Variants in LRP2 observed in about 807,000 individuals in gnomAD.
The protein encoded by LRP2 is LDL receptor related protein 2, also known as low-density lipoprotein receptor-related protein 2.
In LRP2, 172 loss-of-function variants were observed where a neutral mutation model predicts 531.0. The ratio of observed to expected loss-of-function variants is 0.32; its 90% confidence interval spans 0.29 to 0.37. The LOEUF is 0.37. Among genes scored for constraint, LRP2 ranks in the 10% least tolerant of loss-of-function variants. LRP2 has a pLI of 1.00. For missense variants in LRP2, 5,167 were observed against 5,868.3 expected, an observed-to-expected ratio of 0.88 and a Z score of 3.90; for synonymous variants, 1,992 against 2,027.6, an observed-to-expected ratio of 0.98 and a Z score of 0.47.
chr2:169,204,033 T>A lies in LRP2; in HGVS notation c.7954A>T (p.Asn2652Tyr). ...TVVKNQKQQC[N>Y]NPCEQFNGGC... ...CCATTAAACTGTTCACAAGGATTGTTACACTGTTGTTTCTGGTTCTTCACA... is the reference window on the plus strand; with the variant it reads ...CCATTAAACTGTTCACAAGGATTGTAACACTGTTGTTTCTGGTTCTTCACA... Residue 2652 changes from asparagine (N) to tyrosine (Y), a missense_variant, in exon 42 of 79, where the codon AAC becomes TAC. Physicochemically the swap from Asn to Tyr is moderately radical, Grantham distance 143. Around this residue, in one of 6 missense-constraint regions of LRP2, gnomAD observed 1,129 missense variants for 1,362.7 expected, o/e 0.83. Coordinates refer to ENST00000649046, the MANE Select transcript of LRP2 (RefSeq NM_004525.3). 6.2e-7 allele frequency: 1 copy of A among 1,614,226 alleles called. No individual in the cohort carries two copies. Among genetic ancestry groups the A allele is most frequent in the Non-Finnish European group, 8.5e-7 (1 of 1,180,010 alleles).
At chr2:169,297,433 C>T (rs1313408100) in intron 4 of LRP2, among the ~76,000 whole-genome samples, 2 of 152,070 alleles carry the variant, frequency 1.3e-5, no homozygotes, top group Admixed American at 6.6e-5. Context: ...TATAAGAACA[C>T]CAAGGAAACT....
At position 169,204,119 on chromosome 2, in the gene LRP2, C is replaced by T; in HGVS notation, c.7868G>A (p.Gly2623Glu). Residue 2623 changes from glycine (G) to glutamate (E), a missense_variant, in exon 42 of 79, where the codon GGG becomes GAG. This residue lies in a region of LRP2 where 1,129 missense variants were observed against 1,362.7 expected (regional missense o/e 0.83). Transcript: ENST00000649046. ...QRIYRANKYD[G>E]SGQIAMTTNL... ...TGTGGTCATTGCAATCTGACCTGAC[C>T]CGTCATATTTGTTAGCTCGGTAAAT... 3 of 1,614,086 alleles carry T rather than the reference C, an allele frequency of 1.9e-6. No individual in the cohort carries two copies. The highest frequency in any genetic ancestry group is 2.7e-5 in the African/African-American group (2 of 75,006).
chr2:169,292,443 C>T, intron 6 of LRP2, 74 bp from the exon 7 acceptor site: 1 of 931,478 alleles, frequency 1.1e-6, no homozygotes, highest in East Asian at 2.4e-5. Context: ...CACCTCACTG[C>T]CTAAGCAGTA....
At chr2:169,348,419 A>G (rs1032957363) in intron 1 of LRP2, among the ~76,000 whole-genome samples, 1 of 152,144 alleles carries the variant, frequency 6.6e-6, no homozygotes, top group Admixed American at 6.5e-5. Context: ...TTCATCAGGA[A>G]CAAGACCCAT....
chr2:169,353,941 T>C (rs911745106), intron 1 of LRP2, among the ~76,000 whole-genome samples: 3 of 152,204 alleles, frequency 2.0e-5, no homozygotes, highest in African/African-American at 4.8e-5. Flanking sequence ...CAGGGAGCCA[T>C]GCACTCCAGC....
At chr2:169,168,130 AT>A (rs1686857429) in intron 61 of LRP2, among the ~76,000 whole-genome samples, 1 of 148,590 alleles carries the variant, frequency 6.7e-6, no homozygotes, top group African/African-American at 2.5e-5. Context: ...AAGTCTTAGC[AT>A]TTTCTAAAGG....
intron 34 of LRP2, among the ~76,000 whole-genome samples, chr2:169,217,802 A>G (rs1228188559): frequency 6.6e-6 from 1 of 152,112 alleles, no homozygotes; most frequent in African/African-American, 2.4e-5. Flanking sequence ...TTCACTCTCA[A>G]TCAATTATTT....
intron 1 of LRP2, among the ~76,000 whole-genome samples, chr2:169,345,301 T>C (rs1034792435): frequency 6.6e-6 from 1 of 152,224 alleles, no homozygotes; most frequent in Non-Finnish European, 1.5e-5. Context: ...CTGAAAGAGC[T>C]GCCTTCTTTC....
Position 169,206,862 on chromosome 2 carries a change from A to T in LRP2, c.6858T>A (p.Phe2286Leu), listed in dbSNP as rs140918583. The change falls in exon 39 of 79, where the codon TTT becomes TTA. Residue 2286 changes from phenylalanine to leucine, a missense_variant. Transcript: ENST00000649046. ...TATCTACCCATATGATAGAATTTTC[A>T]AAAACAGTGATGCCATAAGGAGTTG... ...RYPTPYGITV[F>L]ENSIIWVDRN... The T allele has an allele frequency of 9.7e-4, 1,570 of 1,614,202 alleles. 1 individual carries two copies. The highest frequency in any genetic ancestry group is 2.1e-3 in the Middle Eastern group (13 of 6,062).
intron 1 of LRP2, among the ~76,000 whole-genome samples, chr2:169,327,019 G>GC (rs1685086734): frequency 2.7e-5 from 4 of 150,798 alleles, no homozygotes; most frequent in Middle Eastern, 3.5e-3. Context: ...CCTCCGCCCG[G>GC]CAGCCACCCC....
rs1370285779 is a variant in LRP2, at chr2:169,251,769, A to G, written c.2771-4254T>C. Among the ~76,000 whole-genome samples the G allele has an allele frequency of 5.3e-5, 5 of 93,652 alleles. 2 individuals are homozygous for G. The highest frequency in any genetic ancestry group is 9.9e-5 in the Non-Finnish European group (5 of 50,412). The allele number at this position is 93,652 out of a possible 152,430, so 61.4% of individuals were successfully genotyped here. A position where few individuals can be genotyped will look rare whatever the true frequency, so the allele number is the denominator to read the frequency against. Reference sequence around the variant, plus strand: ...CAAGACTAATAAAGAAAGAAGAGAGAAGAATCAAATAGACACAATAAAAAA... The same window carrying G: ...CAAGACTAATAAAGAAAGAAGAGAGGAGAATCAAATAGACACAATAAAAAA... On this transcript the variant is annotated intron_variant, in intron 19 of 78. Transcript: ENST00000649046.
Position 169,307,147 on chromosome 2 carries a change from A to G in LRP2, c.427+134T>C, listed in dbSNP as rs972327163. The stretch of plus-strand genomic sequence containing the variant: ...AACATCACCCCTAATCCACAAAAGA[A>G]TCTGCCAAGAGATTGCAATAACAAG... On this transcript the variant is annotated intron_variant, in intron 4 of 78. Transcript: ENST00000649046. The G allele has an allele frequency of 4.1e-6, 3 of 729,194 alleles. No individual in the cohort carries two copies. The African/African-American group carries it at 5.2e-5, about 13-fold the overall frequency. 45.2% of individuals were successfully genotyped at this position (729,194 alleles called of 1,614,324 possible).
chr2:169,278,213 A>C (rs184426943), intron 12 of LRP2, among the ~76,000 whole-genome samples: 417 of 152,296 alleles, frequency 2.7e-3, no homozygotes, highest in African/African-American at 7.7e-3. Flanking sequence ...AGCCAGGCAC[A>C]GTGGTTCATG....
intron 66 of LRP2, among the ~76,000 whole-genome samples, chr2:169,154,056 C>T (rs1449568463): frequency 2.6e-5 from 4 of 152,128 alleles, no homozygotes; most frequent in Non-Finnish European, 5.9e-5. Flanking sequence ...TCATGGTGAG[C>T]AATCATAGAA....
intron 35 of LRP2, among the ~76,000 whole-genome samples, chr2:169,215,755 C>CT (rs1688762258): frequency 6.8e-6 from 1 of 146,342 alleles, no homozygotes; most frequent in African/African-American, 2.5e-5. Context: ...CTATATAGAT[C>CT]ATATATAGAA....
intron 1 of LRP2, among the ~76,000 whole-genome samples, chr2:169,327,361 C>T (rs1216308075): frequency 2.4e-5 from 3 of 127,604 alleles, no homozygotes; most frequent in Non-Finnish European, 1.7e-5. Context: ...AGGTGAGGGG[C>T]GCCTCTGCCC....
At position 169,275,243 on chromosome 2, in the gene LRP2, T is replaced by G. The variant is rs1449982612; in HGVS notation, c.1773-5A>C. 6.2e-7 allele frequency: 1 copy of G among 1,606,502 alleles called. No homozygotes were observed. Among genetic ancestry groups the G allele is most frequent in the Non-Finnish European group, 8.5e-7 (1 of 1,173,358 alleles). On this transcript the variant is annotated splice_region_variant and splice_polypyrimidine_tract_variant and intron_variant, in intron 13 of 78. Transcript: ENST00000649046. The stretch of plus-strand genomic sequence containing the variant: ...CCTCCATGAACTACAGTCTTCCTGT[T>G]ATAAAAGACACATATATATCATACA...
chr2:169,171,454 C>A (rs148835005), intron 58 of LRP2, among the ~76,000 whole-genome samples: 3,258 of 152,232 alleles, frequency 0.021, 48 homozygotes, highest in Non-Finnish European at 0.032. Context: ...CTATCCAATG[C>A]CTTGTAGTCA....
At position 169,243,384 on chromosome 2, in the gene LRP2, A is replaced by C; in HGVS notation, c.3550+19T>G. On this transcript the variant is annotated intron_variant, in intron 23 of 78. Transcript: ENST00000649046. ...TTCTAAATAAACATTGTGAATAAAA[A>C]AGAAGGCAATGCACTTACCACAACC... 6.2e-7 allele frequency: 1 copy of C among 1,613,838 alleles called. No homozygotes were observed. The highest frequency in any genetic ancestry group is 1.3e-5 in the African/African-American group (1 of 75,026).
Sources: gnomAD v4.1 joint callset for allele counts (sites outside exome capture counted in the v4.1 genomes callset) on GRCh38, gnomAD v4.1.1 for gene constraint, gnomAD v4.1.1 regional missense constraint, MANE v1.5 for transcripts, NCBI Gene and HGNC (gene_info 2026-07-23, HGNC 2026-07-21) for gene names.